TACC1: variants seen among roughly 807,000 people sequenced by gnomAD.
The protein encoded by TACC1 is transforming acidic coiled-coil-containing protein 1.
A neutral mutation model predicts 84.4 loss-of-function variants in TACC1; 48 were observed. That is an observed-to-expected ratio of 0.57 (90% CI 0.45 to 0.72). TACC1 has a LOEUF of 0.72. Among genes scored for constraint, TACC1 ranks in the 30% least tolerant of loss-of-function variants. The pLI is 0.00. For missense variants in TACC1, 920 were observed against 973.0 expected, an observed-to-expected ratio of 0.95 and a Z score of 0.72; for synonymous variants, 372 against 376.3, an observed-to-expected ratio of 0.99 and a Z score of 0.13.
Position 38,741,310 on chromosome 8 carries a change from C to A in TACC1, c.-674-1041C>A, listed in dbSNP as rs113857410. On this transcript the variant is annotated intron_variant, in intron 1 of 14. Coordinates refer to the TACC1 transcript ENST00000518415. ...AGCTAGGATTACAGGCACCCGCCAC[C>A]ATGCCTGGCTGATTTTTTTTGTATT... Among the ~76,000 whole-genome samples the A allele has an allele frequency of 1.5e-4, 23 of 152,236 alleles. 1 individual carries two copies. The highest frequency in any genetic ancestry group is 4.6e-4 in the African/African-American group (19 of 41,558).
rs767173865 is a variant in TACC1 at position 38,819,579 on chromosome 8, A to G, written c.335A>G (p.Lys112Arg). The change falls in exon 3 of 13, where the codon AAG (lysine) becomes AGG (arginine). Residue 112 changes from lysine (K) to arginine (R), a missense_variant. Transcript: ENST00000317827. ...VAEVVEKCSS[K>R]TCSKPSENEV... ...GAAGTGGTTGAAAAATGTTCATCTA[A>G]GACTTGTTCTAAACCTTCAGAAAAT... 2.5e-6 allele frequency: 4 copies of G among 1,614,104 alleles called. No individual in the cohort carries two copies. The highest frequency in any genetic ancestry group is 1.3e-5 in the African/African-American group (1 of 74,948).
At chr8:38,817,863 A>T (rs1825764560) in intron 2 of TACC1, among the ~76,000 whole-genome samples, 1 of 141,950 alleles carries the variant, frequency 7.0e-6, no homozygotes, top group Non-Finnish European at 1.5e-5. Flanking sequence ...TTGAGGCTGC[A>T]GTGAGCTGTG....
Position 38,842,409 on chromosome 8 carries a change from T to G in TACC1, c.2083T>G (p.Tyr695Asp), listed in dbSNP as rs757860535. 6.2e-7 allele frequency: 1 copy of G among 1,613,766 alleles called. No individual in the cohort carries two copies. The highest frequency in any genetic ancestry group is 1.7e-5 in the Admixed American group (1 of 59,924). Residue 695 changes from tyrosine (Y) to aspartate (D), a missense_variant, in exon 10 of 13, where the codon TAT becomes GAT. Transcript: ENST00000317827. ...GTCCCTTTCTGATCTCTTCAGGAGATATGAGAACCTGAAAGGTGTTCTGGA... is the reference window on the plus strand; with the variant it reads ...GTCCCTTTCTGATCTCTTCAGGAGAGATGAGAACCTGAAAGGTGTTCTGGA... ...ERSLSDLFRRYENLKGVLEGF... is the reference protein window; with the variant it reads ...ERSLSDLFRRDENLKGVLEGF...
At chr8:38,846,283 CAAAAAAAAAAAAAAAAAA>C (rs538545237) in intron 11 of TACC1, 1 of 59,668 alleles carries the variant, frequency 1.7e-5, no homozygotes, top group African/African-American at 7.0e-5. Context: ...GACTCCATCT[CAAAAAAAAAAAAAAAAAA>C]AAAAAAAAAG....
At chr8:38,795,455 G>C (rs888562918) in intron 2 of TACC1, among the ~76,000 whole-genome samples, 1 of 152,194 alleles carries the variant, frequency 6.6e-6, no homozygotes, top group Admixed American at 6.5e-5. Context: ...TTCTACCTGT[G>C]TATGTGTTTT....
intron 3 of TACC1, among the ~76,000 whole-genome samples, chr8:38,777,925 T>C (rs941510561): frequency 2.6e-5 from 4 of 152,158 alleles, no homozygotes; most frequent in Non-Finnish European, 5.9e-5. Flanking sequence ...TGTGTGACCA[T>C]GTGCTCAGCA....
At chr8:38,813,251 A>T (rs1172598578) in intron 2 of TACC1, among the ~76,000 whole-genome samples, 1 of 152,206 alleles carries the variant, frequency 6.6e-6, no homozygotes, top group Non-Finnish European at 1.5e-5. Flanking sequence ...TCAGAACTGA[A>T]TTCAGAATCT....
At chr8:38,786,961 C>T (rs928325748), upstream of TACC1, among the ~76,000 whole-genome samples, 2 of 152,064 alleles carry the variant, frequency 1.3e-5, no homozygotes, top group South Asian at 2.1e-4. Flanking sequence ...GACAGCGTGC[C>T]CCGGCTCAGA....
intron 3 of TACC1, among the ~76,000 whole-genome samples, chr8:38,773,334 T>A (rs1013301939): frequency 2.0e-5 from 3 of 150,706 alleles, no homozygotes; most frequent in Non-Finnish European, 4.4e-5. Context: ...CAAAAAAAAA[T>A]TCATTATTTT....
At chr8:38,823,041 CT>C (rs547518732) in intron 3 of TACC1, among the ~76,000 whole-genome samples, 275 of 152,284 alleles carry the variant, frequency 1.8e-3, no homozygotes, top group Non-Finnish European at 2.7e-3. Context: ...GTACTTGTCA[CT>C]GTAGATCAGT....
chr8:38,757,302 A>T, intron 3 of TACC1: 1 of 1,258,612 alleles, frequency 7.9e-7, no homozygotes, highest in Non-Finnish European at 1.0e-6. Context: ...CCAGCACAGG[A>T]GGGTGCAGCC....
intron 2 of TACC1, among the ~76,000 whole-genome samples, chr8:38,802,760 C>T (rs973181942): frequency 5.3e-5 from 8 of 152,020 alleles, no homozygotes; most frequent in East Asian, 1.9e-4. Flanking sequence ...TGGTGAGAGA[C>T]GAGAAGGAGA....
Position 38,817,818 on chromosome 8 carries a change from C to T in TACC1, c.278-1704C>T, listed in dbSNP as rs924799859. 6.7e-5 allele frequency among the ~76,000 whole-genome samples: 10 copies of T among 148,418 alleles called. No individual in the cohort carries two copies. In the East Asian group the frequency reaches 2.0e-3, roughly 30 times the overall value. On this transcript the variant is annotated intron_variant, in intron 2 of 12. Coordinates refer to ENST00000317827, the MANE Select transcript of TACC1 (RefSeq NM_006283.3). ...CTATTCCAAATCCCAGCTACTTGGG[C>T]AGCTGAGATGGGAGAATTGCTTGAG...
intron 2 of TACC1, among the ~76,000 whole-genome samples, chr8:38,813,271 C>T (rs1824653087): frequency 6.6e-6 from 1 of 152,170 alleles, no homozygotes; most frequent in Admixed American, 6.5e-5. Context: ...TAACTGAATT[C>T]ACAATCTCAG....
At chr8:38,735,731 A>G (rs1805841462) in intron 1 of TACC1, among the ~76,000 whole-genome samples, 3 of 152,116 alleles carry the variant, frequency 2.0e-5, no homozygotes, top group Admixed American at 6.5e-5. Flanking sequence ...ACCTTTGTAA[A>G]TGGTCCCTTT....
intron 2 of TACC1, among the ~76,000 whole-genome samples, chr8:38,792,569 C>T (rs989639038): frequency 2.6e-5 from 4 of 152,080 alleles, no homozygotes; most frequent in Non-Finnish European, 5.9e-5. Flanking sequence ...GGGTTCACGC[C>T]ATTCTTCTGC....
chr8:38,770,429 T>C (rs1190198222), intron 3 of TACC1, among the ~76,000 whole-genome samples: 1 of 151,912 alleles, frequency 6.6e-6, no homozygotes, highest in Non-Finnish European at 1.5e-5. Context: ...GCTCTCCCCC[T>C]TCGCACATTC....
intron 1 of TACC1, among the ~76,000 whole-genome samples, chr8:38,731,765 AAC>A (rs1804970104): frequency 1.3e-5 from 2 of 151,908 alleles, no homozygotes; most frequent in African/African-American, 4.8e-5. Flanking sequence ...CAACAACAAC[AAC>A]AAAACTAGTC....
intron 6 of TACC1, among the ~76,000 whole-genome samples, chr8:38,835,389 C>T (rs1280856046): frequency 6.6e-6 from 1 of 152,194 alleles, no homozygotes; most frequent in African/African-American, 2.4e-5. Flanking sequence ...GGAACCTGAG[C>T]TTATGAAAGA....
Sources: allele counts gnomAD v4.1 joint callset (sites outside exome capture counted in the v4.1 genomes callset), GRCh38; gene constraint gnomAD v4.1.1; transcripts MANE v1.5; gene names NCBI Gene and HGNC (gene_info 2026-07-23, HGNC 2026-07-21).